SLC24A3: variants seen among roughly 807,000 people sequenced by gnomAD.
SLC24A3 encodes the protein solute carrier family 24 member 3.
A neutral mutation model predicts 75.8 loss-of-function variants in SLC24A3; 28 were observed. The observed-to-expected ratio is 0.37, with a 90% CI of 0.27 to 0.51. The LOEUF (loss-of-function observed/expected upper bound fraction) is 0.51, where lower values mean the gene tolerates loss of function less well. Ranked by LOEUF, SLC24A3 falls within the 20% of genes least tolerant of loss-of-function variation. The pLI, the probability that SLC24A3 is intolerant of heterozygous loss-of-function variation, is 0.94. For synonymous variants in SLC24A3, 372 were observed against 334.1 expected (o/e 1.11, Z -1.24); for missense variants, 663 against 847.8 (o/e 0.78, Z 2.71).
At chr20:19,572,538 A>G (rs1021391954) in intron 3 of SLC24A3, among the ~76,000 whole-genome samples, 30 of 152,154 alleles carry the variant, frequency 2.0e-4, no homozygotes, top group Non-Finnish European at 3.7e-4. Flanking sequence ...GCATTTCTTG[A>G]CTTCTTTGTG....
intron 1 of SLC24A3, among the ~76,000 whole-genome samples, chr20:19,240,662 G>T (rs1982303559): frequency 1.3e-5 from 2 of 152,210 alleles, no homozygotes; most frequent in African/African-American, 4.8e-5. Context: ...AATTGAGGGA[G>T]GGAAGGAGGA....
chr20:19,389,870 C>G (rs1012426444), intron 2 of SLC24A3, among the ~76,000 whole-genome samples: 2 of 152,060 alleles, frequency 1.3e-5, no homozygotes, highest in African/African-American at 4.8e-5. Flanking sequence ...TATTGGTATG[C>G]TTGATTGTGT....
At chr20:19,666,966 C>A (rs2032406393) in intron 8 of SLC24A3, among the ~76,000 whole-genome samples, 1 of 152,156 alleles carries the variant, frequency 6.6e-6, no homozygotes, top group Admixed American at 6.5e-5. Flanking sequence ...CAGAGGTAAG[C>A]AATGTGAAAT....
intron 15 of SLC24A3, among the ~76,000 whole-genome samples, chr20:19,701,056 T>G (rs2032865918): frequency 1.3e-5 from 2 of 152,214 alleles, no homozygotes; most frequent in African/African-American, 4.8e-5. Context: ...TCCTGAAGTT[T>G]TGGGACAGCT....
chr20:19,686,643 G>A (rs1482627670), intron 12 of SLC24A3, among the ~76,000 whole-genome samples: 1 of 152,210 alleles, frequency 6.6e-6, no homozygotes, highest in African/African-American at 2.4e-5. Context: ...TCAGAGTCCT[G>A]TGTTAATTTT....
intron 2 of SLC24A3, among the ~76,000 whole-genome samples, chr20:19,315,175 A>G (rs918551747): frequency 2.6e-5 from 4 of 152,162 alleles, no homozygotes; most frequent in Non-Finnish European, 5.9e-5. Flanking sequence ...ACCTGTCTCT[A>G]TAGTTCACAC....
At chr20:19,643,661 T>A (rs2032100693) in intron 6 of SLC24A3, among the ~76,000 whole-genome samples, 1 of 152,186 alleles carries the variant, frequency 6.6e-6, no homozygotes, top group African/African-American at 2.4e-5. Flanking sequence ...TTAGGCAGGG[T>A]CTTACTTCCA....
chr20:19,702,886 T>G (rs1472827778), intron 15 of SLC24A3, among the ~76,000 whole-genome samples: 4 of 152,204 alleles, frequency 2.6e-5, no homozygotes, highest in African/African-American at 9.6e-5. Flanking sequence ...CTGGTTAGCT[T>G]ATTTTTCAGT....
intron 2 of SLC24A3, among the ~76,000 whole-genome samples, chr20:19,286,077 T>A (rs1369996118): frequency 1.3e-5 from 2 of 152,166 alleles, no homozygotes; most frequent in Non-Finnish European, 2.9e-5. Flanking sequence ...TGGATTTCCC[T>A]TGATAAAGGA....
chr20:19,698,966 T>C (rs1211945349), intron 15 of SLC24A3, among the ~76,000 whole-genome samples: 1 of 152,240 alleles, frequency 6.6e-6, no homozygotes, highest in Non-Finnish European at 1.5e-5. Context: ...TTTGCTGCTG[T>C]AGCAGAAAAA....
intron 2 of SLC24A3, among the ~76,000 whole-genome samples, chr20:19,340,444 C>T (rs564409573): frequency 6.6e-6 from 1 of 152,304 alleles, no homozygotes; most frequent in East Asian, 1.9e-4. Flanking sequence ...CCAGAACTGT[C>T]AGAGAATACG....
chr20:19,274,756 A>G (rs1983434061), intron 1 of SLC24A3, among the ~76,000 whole-genome samples: 1 of 152,180 alleles, frequency 6.6e-6, no homozygotes, highest in Non-Finnish European at 1.5e-5. Context: ...TCATTTGGAG[A>G]GCAGTGCTGC....
At chr20:19,461,015 C>T (rs1038873557) in intron 2 of SLC24A3, among the ~76,000 whole-genome samples, 24 of 152,084 alleles carry the variant, frequency 1.6e-4, no homozygotes, top group African/African-American at 5.8e-4. Flanking sequence ...TATTAGCCAG[C>T]GGAGGGATTG....
At chr20:19,330,164 G>A (rs1476913614) in intron 2 of SLC24A3, among the ~76,000 whole-genome samples, 1 of 152,236 alleles carries the variant, frequency 6.6e-6, no homozygotes, top group Non-Finnish European at 1.5e-5. Flanking sequence ...TGCTTGCAGG[G>A]ATGCGGTGCT....
chr20:19,252,752 A>G (rs1982702332), intron 1 of SLC24A3, among the ~76,000 whole-genome samples: 1 of 152,032 alleles, frequency 6.6e-6, no homozygotes, highest in Non-Finnish European at 1.5e-5. Flanking sequence ...TAGGCAGGGA[A>G]TAACTCCGCA....
rs534175874 is a variant in SLC24A3 at position 19,474,174 on chromosome 20, T to C, written c.272-41314T>C. Among the ~76,000 whole-genome samples, 53 of 152,262 alleles carry C rather than the reference T, an allele frequency of 3.5e-4. 1 individual carries two copies. In the South Asian group the frequency reaches 0.011, roughly 30 times the overall value. On this transcript the variant is annotated intron_variant, in intron 2 of 16. Transcript: ENST00000328041. ...GATTTGGTGTCAGCTACTTCTAAAA[T>C]TCCCTGTCTGGTCTCCAGCAGCACC...
chr20:19,413,601 AC>A (rs1398977459), intron 2 of SLC24A3, among the ~76,000 whole-genome samples: 1 of 152,036 alleles, frequency 6.6e-6, no homozygotes, highest in Non-Finnish European at 1.5e-5. Context: ...CCCAGTAATC[AC>A]CTTTCACTTT....
Position 19,594,094 on chromosome 20 carries a change from A to C in SLC24A3, c.612+8550A>C, listed in dbSNP as rs183801348. The stretch of plus-strand genomic sequence containing the variant: ...ATTCCCGTCATGGCCTTCGAACTCC[A>C]CCCTTGGGCAAAAAAGCACTGGAAA... On this transcript the variant is annotated intron_variant, in intron 6 of 16. Coordinates refer to ENST00000328041, the MANE Select transcript of SLC24A3 (RefSeq NM_020689.4). Among the ~76,000 whole-genome samples the C allele has an allele frequency of 7.9e-5, 12 of 152,256 alleles. No homozygotes were observed. The East Asian group carries it at 2.3e-3, about 29-fold the overall frequency.
At chr20:19,460,163 A>G (rs1987645102) in intron 2 of SLC24A3, among the ~76,000 whole-genome samples, 1 of 152,192 alleles carries the variant, frequency 6.6e-6, no homozygotes, top group Non-Finnish European at 1.5e-5. Context: ...TGGTTGGTGC[A>G]GGTGTGGACA....
Sources: gnomAD v4.1 joint callset for allele counts (sites outside exome capture counted in the v4.1 genomes callset) on GRCh38, gnomAD v4.1.1 for gene constraint, MANE v1.5 for transcripts, NCBI Gene and HGNC (gene_info 2026-07-23, HGNC 2026-07-21) for gene names.